Variants in FOXP2 observed in about 807,000 individuals in gnomAD.
FOXP2 encodes forkhead box P2.
A neutral mutation model predicts 115.8 loss-of-function variants in FOXP2; 12 were observed. The observed-to-expected ratio is 0.10, with a 90% CI of 0.07 to 0.17. The LOEUF is 0.17. FOXP2 is among the 10% of genes least tolerant of loss of function. FOXP2 has a pLI of 1.00. For synonymous variants in FOXP2, 328 were observed against 297.7 expected, an observed-to-expected ratio of 1.10 and a Z score of -1.05; for missense variants, 629 against 843.5, an observed-to-expected ratio of 0.75 and a Z score of 3.15.
At chr7:114,351,035 A>G (rs917158852) in intron 2 of FOXP2, among the ~76,000 whole-genome samples, 32 of 152,156 alleles carry the variant, frequency 2.1e-4, no homozygotes, top group African/African-American at 7.7e-4. Flanking sequence ...GGAAATACTG[A>G]CAACAAAAAT....
intron 2 of FOXP2, among the ~76,000 whole-genome samples, chr7:114,377,975 C>G (rs1792183234): frequency 6.6e-6 from 1 of 152,108 alleles, no homozygotes. Flanking sequence ...CCCCTCTCTC[C>G]CTCTCCTTAA....
chr7:114,420,774 T>C (rs1456983135), intron 1 of FOXP2, among the ~76,000 whole-genome samples: 1 of 151,808 alleles, frequency 6.6e-6, no homozygotes, highest in African/African-American at 2.4e-5. Flanking sequence ...ATATTAATGC[T>C]ATAAAGGATT....
intron 2 of FOXP2, among the ~76,000 whole-genome samples, chr7:114,447,907 A>G (rs554299420): frequency 2.9e-4 from 44 of 152,302 alleles, no homozygotes; most frequent in Middle Eastern, 3.4e-3. Flanking sequence ...GAATGAATGC[A>G]TCTGAGAGCT....
At chr7:114,567,449 C>G (rs1270041448) in intron 3 of FOXP2, among the ~76,000 whole-genome samples, 1 of 152,034 alleles carries the variant, frequency 6.6e-6, no homozygotes, top group Non-Finnish European at 1.5e-5. Context: ...TTCTTATGTT[C>G]AGCACTAAAT....
At chr7:114,112,041 G>A (rs925749876) in intron 1 of FOXP2, among the ~76,000 whole-genome samples, 1 of 152,096 alleles carries the variant, frequency 6.6e-6, no homozygotes, top group Admixed American at 6.6e-5. Flanking sequence ...ACCAAATATA[G>A]CAGCAGTACT....
chr7:114,673,433 A>C (rs1422669027), intron 16 of FOXP2, among the ~76,000 whole-genome samples: 2 of 152,222 alleles, frequency 1.3e-5, no homozygotes, highest in South Asian at 4.1e-4. Flanking sequence ...AAAGTCAAAT[A>C]GAGTGATAAA....
chr7:114,500,215 C>CAAA (rs760392447), intron 2 of FOXP2, among the ~76,000 whole-genome samples: 6 of 50,932 alleles, frequency 1.2e-4, no homozygotes, highest in Middle Eastern at 0.012. Flanking sequence ...GACTCCATCT[C>CAAA]AAAAAAAAAA....
At chr7:114,112,946 A>G (rs1791309641) in intron 1 of FOXP2, among the ~76,000 whole-genome samples, 2 of 152,204 alleles carry the variant, frequency 1.3e-5, no homozygotes, top group African/African-American at 2.4e-5. Context: ...TGACAAAAAC[A>G]GAAGGAAACA....
intron 2 of FOXP2, among the ~76,000 whole-genome samples, chr7:114,523,421 C>G (rs1226169337): frequency 6.6e-6 from 1 of 152,166 alleles, no homozygotes; most frequent in Non-Finnish European, 1.5e-5. Flanking sequence ...CTTTCCTCCC[C>G]TGGTTCCAGC....
intron 2 of FOXP2, among the ~76,000 whole-genome samples, chr7:114,473,191 G>T (rs911148414): frequency 6.6e-6 from 1 of 152,102 alleles, no homozygotes; most frequent in African/African-American, 2.4e-5. Flanking sequence ...GTAATCTGAA[G>T]AGATTTCCAC....
chr7:114,647,257 CA>C (rs1805963880), intron 8 of FOXP2, among the ~76,000 whole-genome samples: 1 of 151,480 alleles, frequency 6.6e-6, no homozygotes, highest in South Asian at 2.1e-4. Context: ...TTATTTTTTT[CA>C]CATTACATCT....
At chr7:114,642,976 T>A (rs1272692150) in intron 7 of FOXP2, among the ~76,000 whole-genome samples, 1 of 150,516 alleles carries the variant, frequency 6.6e-6, no homozygotes, top group Non-Finnish European at 1.5e-5. Flanking sequence ...GCCTGGCTAA[T>A]TTTTTGTATT....
intron 10 of FOXP2, chr7:114,654,213 T>G: frequency 8.0e-7 from 1 of 1,256,278 alleles, no homozygotes; most frequent in South Asian, 1.5e-5. Context: ...ATCTACACCA[T>G]GGGTGACACT....
intron 2 of FOXP2, among the ~76,000 whole-genome samples, chr7:114,291,711 T>G (rs540457766): frequency 2.1e-4 from 32 of 151,118 alleles, no homozygotes; most frequent in Non-Finnish European, 3.8e-4. Context: ...CCTTAGCCTC[T>G]AAATTCCACC....
chr7:114,609,460 A>G (rs541233671), intron 3 of FOXP2, among the ~76,000 whole-genome samples: 2 of 152,324 alleles, frequency 1.3e-5, no homozygotes, highest in East Asian at 3.9e-4. Context: ...ATAGTGTACT[A>G]TATTGTAAAG....
At chr7:114,140,819 A>T (rs1584502684) in intron 1 of FOXP2, among the ~76,000 whole-genome samples, 1 of 152,186 alleles carries the variant, frequency 6.6e-6, no homozygotes, top group South Asian at 2.1e-4. Flanking sequence ...GGTGGAAGGG[A>T]TCAGCATCCT....
intron 1 of FOXP2, among the ~76,000 whole-genome samples, chr7:114,241,234 T>C (rs1311743114): frequency 6.6e-6 from 1 of 152,108 alleles, no homozygotes; most frequent in African/African-American, 2.4e-5. Context: ...CTGGGAGCTT[T>C]CATTCTAATT....
chr7:114,328,172 G>T (rs184363629), intron 2 of FOXP2, among the ~76,000 whole-genome samples: 1 of 150,876 alleles, frequency 6.6e-6, no homozygotes, highest in Non-Finnish European at 1.5e-5. Context: ...TCCTATCCCG[G>T]CCTCCCAAAG....
intron 3 of FOXP2, among the ~76,000 whole-genome samples, chr7:114,620,029 T>C (rs1475214249): frequency 6.6e-6 from 1 of 152,012 alleles, no homozygotes; most frequent in African/African-American, 2.4e-5. Context: ...TCTGATACAC[T>C]AAATAAAACG....
Sources: gnomAD v4.1 joint callset for allele counts (sites outside exome capture counted in the v4.1 genomes callset) on GRCh38, gnomAD v4.1.1 for gene constraint, MANE v1.5 for transcripts, NCBI Gene and HGNC (gene_info 2026-07-23, HGNC 2026-07-21) for gene names.